Variants in OGFOD1 observed in about 807,000 individuals in gnomAD.
OGFOD1 encodes the protein 2-oxoglutarate and iron dependent oxygenase domain containing 1.
In OGFOD1, 54 loss-of-function variants were observed where a neutral mutation model predicts 67.7. The ratio of observed to expected loss-of-function variants is 0.80; its 90% CI spans 0.64 to 1.00. OGFOD1 has a LOEUF of 1.00. Ranked by LOEUF, OGFOD1 falls within the 50% of genes least tolerant of loss-of-function variation. The probability of loss-of-function intolerance (pLI) is 0.00; values close to 1 mark genes in which losing one functional copy is unlikely to be tolerated. For missense variants in OGFOD1, 606 were observed against 646.7 expected (o/e 0.94, Z 0.68); for synonymous variants, 221 against 227.0 (o/e 0.97, Z 0.24).
At chr16:56,468,308 A>G (rs1400120815) in intron 8 of OGFOD1, among the ~76,000 whole-genome samples, 1 of 152,208 alleles carries the variant, frequency 6.6e-6, no homozygotes, top group Non-Finnish European at 1.5e-5. Context: ...TTACCTTTCT[A>G]TTCATCTAAC....
At chr16:56,466,802 A>ATT in intron 5 of OGFOD1, 74 bp from the exon 6 acceptor site, 1 of 1,135,714 alleles carries the variant, frequency 8.8e-7, no homozygotes, top group Non-Finnish European at 1.3e-6. Flanking sequence ...GAAGTTTGGA[A>ATT]ATTGTCAAGA....
chr16:56,471,861 A>C (rs16968331), intron 10 of OGFOD1, among the ~76,000 whole-genome samples: 14,942 of 152,296 alleles, frequency 0.098, 822 homozygotes, highest in South Asian at 0.17. Context: ...ATGTTAATTG[A>C]TACTGGCATT....
In OGFOD1 at chr16:56,456,155, T is replaced by C. The variant is rs181085524; in HGVS notation, c.301-2393T>C. 3.2e-4 allele frequency among the ~76,000 whole-genome samples: 48 copies of C among 152,326 alleles called. No homozygotes were observed. In the South Asian group the frequency reaches 5.0e-3, roughly 16 times the overall value. ...TCTTCCTTGTCTCATCAGCAGCATT[T>C]GACCTACTATATCACTCCTTCCTCC... On this transcript the variant is annotated intron_variant, in intron 2 of 12. Transcript: ENST00000566157.
chr16:56,457,114 T>G (rs1241046547), intron 2 of OGFOD1, among the ~76,000 whole-genome samples: 2 of 152,232 alleles, frequency 1.3e-5, no homozygotes, highest in Non-Finnish European at 2.9e-5. Context: ...TGTAAAAATA[T>G]GTTCACATAA....
At position 56,469,366 on chromosome 16, in the gene OGFOD1, T is replaced by TTTTGTATC. The variant is rs564030721; in HGVS notation, c.901-637_901-636insTTTGTATC. ...TATCCTCAAAACATCTTGTGAGTTGTATTATGGTCTGTATTATGATCCTCA... is the reference window on the plus strand; with the variant it reads ...TATCCTCAAAACATCTTGTGAGTTGTTTTGTATCATTATGGTCTGTATTATGATCCTCA... On this transcript the variant is annotated intron_variant, in intron 8 of 12. Coordinates refer to ENST00000566157, the MANE Select transcript of OGFOD1 (RefSeq NM_018233.4). 3.5e-3 allele frequency among the ~76,000 whole-genome samples: 537 copies of TTTTGTATC among 152,314 alleles called. 1 individual carries two copies. The highest frequency in any genetic ancestry group is 0.012 in the African/African-American group (514 of 41,558).
intron 2 of OGFOD1, chr16:56,454,660 AAAAG>A (rs1962462736): frequency 8.7e-6 from 3 of 346,120 alleles, no homozygotes; most frequent in East Asian, 8.4e-5. Flanking sequence ...GGGGAAAAAA[AAAAG>A]AAAGATTAAA....
rs1367824230 is a variant in OGFOD1, at chr16:56,478,985, G to C, written c.*2780G>C. ...CTTATAGTACTTCATTTTGCATCTT[G>C]ATTGCTTTTTAGGGCCTGGGGCCAA... On this transcript the variant is annotated 3_prime_UTR_variant, in exon 13 of 13. Transcript: ENST00000566157. The C allele has an allele frequency of 6.6e-6, 1 of 152,188 alleles. No homozygotes were observed. Among genetic ancestry groups the C allele is most frequent in the Non-Finnish European group, 1.5e-5 (1 of 68,026 alleles). The allele number at this position is 152,188 out of a possible 1,614,324, so 9.4% of individuals were successfully genotyped here.
At chr16:56,452,286 G>A (rs1356073053) in intron 1 of OGFOD1, 1 of 152,950 alleles carries the variant, frequency 6.5e-6, no homozygotes, top group Non-Finnish European at 1.5e-5. Flanking sequence ...GCATTGCTCA[G>A]CTGTCCCAGG....
At chr16:56,470,223 A>C (rs1280541886) in intron 9 of OGFOD1, 141 bp downstream of exon 9, 14 of 761,380 alleles carry the variant, frequency 1.8e-5, no homozygotes, top group Admixed American at 8.3e-5. Flanking sequence ...TCAAATAACC[A>C]ACAGGAAAAA....
intron 2 of OGFOD1, chr16:56,454,647 G>A (rs575002731): frequency 9.4e-6 from 3 of 320,492 alleles, no homozygotes; most frequent in Admixed American, 8.4e-5. Context: ...CTTCAAATTG[G>A]GGGGGGAAAA....
rs1180478492 is a variant in OGFOD1, at chr16:56,478,306, CTGCCT to C, written c.*2102_*2106del. The C allele has an allele frequency of 2.6e-5, 4 of 152,148 alleles. No individual in the cohort carries two copies. The highest frequency in any genetic ancestry group is 3.9e-4 in the East Asian group (2 of 5,176). The allele number at this position is 152,148 out of a possible 1,614,324, so 9.4% of individuals were successfully genotyped here. ...CCTAAGTAGCTGGGATTACAGGCACCTGCCTCCATACCCAGCTAATTTTTTTATAT... is the reference window on the plus strand; with the variant it reads ...CCTAAGTAGCTGGGATTACAGGCACCCCATACCCAGCTAATTTTTTTATAT... On this transcript the variant is annotated 3_prime_UTR_variant, in exon 13 of 13. Transcript: ENST00000566157.
At chr16:56,458,913 A>T in intron 3 of OGFOD1, 1 of 343,912 alleles carries the variant, frequency 2.9e-6, no homozygotes, top group African/African-American at 2.1e-5. Flanking sequence ...TAAAAATAAA[A>T]ACCCTAGTGT....
chr16:56,458,319 T>TATAA, intron 2 of OGFOD1: 2 of 529,176 alleles, frequency 3.8e-6, no homozygotes, highest in South Asian at 4.2e-5. Flanking sequence ...GAAACTAGAC[T>TATAA]ATAATAACGA....
Position 56,451,555 on chromosome 16 carries a change from T to C in OGFOD1, c.-58T>C, listed in dbSNP as rs551517390. 1 of 1,585,852 alleles carries C rather than the reference T, an allele frequency of 6.3e-7. No homozygotes were observed. Among genetic ancestry groups the C allele is most frequent in the African/African-American group, 1.3e-5 (1 of 74,294 alleles). On this transcript the variant is annotated 5_prime_UTR_variant, in exon 1 of 13. Coordinates refer to ENST00000566157, the MANE Select transcript of OGFOD1 (RefSeq NM_018233.4). ...AAAGGGGACATGCCGGGAGTTGCAGTACCCTCAGGAAGGTAGCGTCTTGAT... is the reference window on the plus strand; with the variant it reads ...AAAGGGGACATGCCGGGAGTTGCAGCACCCTCAGGAAGGTAGCGTCTTGAT...
At chr16:56,455,794 C>T (rs1312349175) in intron 2 of OGFOD1, among the ~76,000 whole-genome samples, 2 of 152,134 alleles carry the variant, frequency 1.3e-5, no homozygotes, top group Admixed American at 6.5e-5. Context: ...CATTACTATA[C>T]CTGTTTCACA....
chr16:56,462,519 T>C lies in OGFOD1; in HGVS notation c.348-15T>C. 2 of 1,545,138 alleles carry C rather than the reference T, an allele frequency of 1.3e-6. No individual in the cohort carries two copies. Among genetic ancestry groups the C allele is most frequent in the Non-Finnish European group, 1.8e-6 (2 of 1,117,096 alleles). On this transcript the variant is annotated splice_polypyrimidine_tract_variant and intron_variant, in intron 3 of 12. Coordinates refer to ENST00000566157, the MANE Select transcript of OGFOD1 (RefSeq NM_018233.4). ...CACTGTGGCATAACAAGTTATCTTTTGTTTACATTTCTAGGAAAATTCTGT... is the reference window on the plus strand; with the variant it reads ...CACTGTGGCATAACAAGTTATCTTTCGTTTACATTTCTAGGAAAATTCTGT...
chr16:56,476,290 C>CTACA lies in OGFOD1; in HGVS notation c.*87_*90dup. 1 of 1,292,606 alleles carries CTACA rather than the reference C, an allele frequency of 7.7e-7. No homozygotes were observed. The highest frequency in any genetic ancestry group is 1.1e-6 in the Non-Finnish European group (1 of 934,598). The allele number at this position is 1,292,606 out of a possible 1,614,324, so 80.1% of individuals were successfully genotyped here. On this transcript the variant is annotated 3_prime_UTR_variant, in exon 13 of 13. Transcript: ENST00000566157. ...GAGCTAAGCATGGAGTCAAGGAGAACTACATGGTAGCTTGCCTGACAGTGT... is the reference window on the plus strand; with the variant it reads ...GAGCTAAGCATGGAGTCAAGGAGAACTACATACATGGTAGCTTGCCTGACAGTGT...
intron 10 of OGFOD1, among the ~76,000 whole-genome samples, chr16:56,472,314 G>A (rs1321999716): frequency 1.3e-5 from 2 of 152,050 alleles, no homozygotes; most frequent in African/African-American, 4.8e-5. Context: ...ATTTTTACGG[G>A]AACCTGCAAC....
At chr16:56,466,356 A>C in intron 5 of OGFOD1, 88 bp downstream of exon 5, 2 of 822,656 alleles carry the variant, frequency 2.4e-6, no homozygotes, top group South Asian at 3.0e-5. Context: ...TTTTGTATAC[A>C]ATGTCTGTAC....
Sources: allele counts gnomAD v4.1 joint callset (sites outside exome capture counted in the v4.1 genomes callset), GRCh38; gene constraint gnomAD v4.1.1; transcripts MANE v1.5; gene names NCBI Gene and HGNC (gene_info 2026-07-23, HGNC 2026-07-21).